RNLS: variants seen among roughly 807,000 people sequenced by gnomAD.
The protein encoded by RNLS is renalase, FAD dependent amine oxidase.
In RNLS, 39 loss-of-function variants were observed where a neutral mutation model predicts 39.8. The observed-to-expected ratio is 0.98, with a 90% CI of 0.76 to 1.28. The LOEUF is 1.28. RNLS is among the 50% of genes most tolerant of loss of function. The probability of loss-of-function intolerance (pLI) is 0.00; values close to 1 mark genes in which losing one functional copy is unlikely to be tolerated. For synonymous variants in RNLS, 147 were observed against 150.7 expected (o/e 0.98, Z 0.18); for missense variants, 410 against 413.3 (o/e 0.99, Z 0.07).
At chr10:88,521,473 A>G (rs1199921072) in intron 4 of RNLS, among the ~76,000 whole-genome samples, 1 of 152,042 alleles carries the variant, frequency 6.6e-6, no homozygotes, top group Non-Finnish European at 1.5e-5. Context: ...TCTGTCCCTA[A>G]TGGGCAATAT....
intron 4 of RNLS, among the ~76,000 whole-genome samples, chr10:88,553,444 C>T (rs1172519437): frequency 6.6e-6 from 1 of 152,128 alleles, no homozygotes; most frequent in African/African-American, 2.4e-5. Context: ...CAAGTACTGT[C>T]AGGCTTATAA....
Position 88,444,136 on chromosome 10 carries a change from G to T in RNLS, c.527-81411C>A, listed in dbSNP as rs547288799. ...TCTGAGATGAAACTTCCAGAAGAAC[G>T]ATCAGGTAGCAACATTTGCTGATCA... is the stretch of plus-strand genomic sequence containing the variant. On this transcript the variant is annotated intron_variant, in intron 4 of 6. Transcript: ENST00000331772. Among the ~76,000 whole-genome samples the T allele has an allele frequency of 2.0e-5, 3 of 152,334 alleles. No individual in the cohort carries two copies. In the South Asian group the frequency reaches 6.2e-4, roughly 32 times the overall value.
chr10:88,261,808 G>A, the RNLS span, among the ~76,000 whole-genome samples: 11 of 152,308 alleles, frequency 7.2e-5, no homozygotes, highest in African/African-American at 2.2e-4. Context: ...AGAATTTAAT[G>A]TAGGGAACAA....
chr10:88,323,290 T>C (rs1846318809), intron 5 of RNLS, among the ~76,000 whole-genome samples: 1 of 151,432 alleles, frequency 6.6e-6, no homozygotes, highest in South Asian at 2.1e-4. Context: ...ACAATTCTAA[T>C]TAGCCAAAGC....
At chr10:88,444,848 G>A (rs1374356562) in intron 4 of RNLS, among the ~76,000 whole-genome samples, 2 of 152,192 alleles carry the variant, frequency 1.3e-5, no homozygotes, top group African/African-American at 4.8e-5. Context: ...CGTCTGATTG[G>A]TGTACCTGAA....
intron 4 of RNLS, among the ~76,000 whole-genome samples, chr10:88,461,824 T>C (rs925714573): frequency 4.6e-5 from 7 of 152,118 alleles, no homozygotes; most frequent in Non-Finnish European, 7.4e-5. Flanking sequence ...GATAAAGTTA[T>C]TGCCCAAGGT....
rs562928778 is a variant in RNLS at position 88,278,737 on chromosome 10, G to A, written c.877-3705C>T. 9.2e-5 allele frequency among the ~76,000 whole-genome samples: 14 copies of A among 152,218 alleles called. 1 individual carries two copies. In the South Asian group the frequency reaches 2.9e-3, roughly 32 times the overall value. On this transcript the variant is annotated intron_variant, in intron 6 of 6. Transcript: ENST00000371947. ...ATAATGGGATGTAGTATAAAGTAAAGACTTTCTGAAATCACCTAATGACTT... is the reference window on the plus strand; with the variant it reads ...ATAATGGGATGTAGTATAAAGTAAAAACTTTCTGAAATCACCTAATGACTT...
intron 5 of RNLS, among the ~76,000 whole-genome samples, chr10:88,347,473 G>A (rs1346875850): frequency 6.6e-6 from 1 of 152,134 alleles, no homozygotes; most frequent in Non-Finnish European, 1.5e-5. Context: ...TTATCAAATA[G>A]ATGTCGATAT....
At chr10:88,540,736 C>T (rs372411459) in intron 4 of RNLS, among the ~76,000 whole-genome samples, 2 of 151,992 alleles carry the variant, frequency 1.3e-5, no homozygotes, top group African/African-American at 4.8e-5. Flanking sequence ...CTCTCAAGGA[C>T]AACATACATT....
At chr10:88,369,661 T>A (rs1181730734) in intron 4 of RNLS, among the ~76,000 whole-genome samples, 1 of 152,124 alleles carries the variant, frequency 6.6e-6, no homozygotes, top group African/African-American at 2.4e-5. Flanking sequence ...CCGTGCCCAC[T>A]GTTTTGTAAA....
chr10:88,344,910 T>C (rs903788053), intron 5 of RNLS, among the ~76,000 whole-genome samples: 4 of 152,154 alleles, frequency 2.6e-5, no homozygotes, highest in Admixed American at 1.3e-4. Flanking sequence ...TTAATATTCA[T>C]TCATATTATG....
chr10:88,505,757 G>A (rs1845756274), intron 4 of RNLS, among the ~76,000 whole-genome samples: 1 of 151,916 alleles, frequency 6.6e-6, no homozygotes, highest in African/African-American at 2.4e-5. Context: ...TCTTTACAAC[G>A]GAGAGATCTA....
chr10:88,268,765 C>A, the RNLS span, among the ~76,000 whole-genome samples: 3 of 152,212 alleles, frequency 2.0e-5, no homozygotes, highest in African/African-American at 7.2e-5. Flanking sequence ...GCAGCTTTGG[C>A]TCAGATCTTT....
At chr10:88,441,924 CTA>C (rs1841735774) in intron 4 of RNLS, among the ~76,000 whole-genome samples, 1 of 152,196 alleles carries the variant, frequency 6.6e-6, no homozygotes, top group African/African-American at 2.4e-5. Flanking sequence ...CTTGAAAATT[CTA>C]TGTGCAAGGA....
At chr10:88,366,055 T>G (rs891593079) in intron 4 of RNLS, among the ~76,000 whole-genome samples, 1 of 152,152 alleles carries the variant, frequency 6.6e-6, no homozygotes, top group African/African-American at 2.4e-5. Context: ...ATAAAGTCCC[T>G]GCTCTCCTGT....
intron 5 of RNLS, among the ~76,000 whole-genome samples, chr10:88,322,131 A>G (rs1846228971): frequency 6.6e-6 from 1 of 152,236 alleles, no homozygotes; most frequent in African/African-American, 2.4e-5. Context: ...CTGGTATGCC[A>G]GGATGGTTCA....
At chr10:88,403,910 G>T (rs1482328527) in intron 4 of RNLS, among the ~76,000 whole-genome samples, 1 of 151,934 alleles carries the variant, frequency 6.6e-6, no homozygotes, top group Non-Finnish European at 1.5e-5. Flanking sequence ...GTGTGTGGTG[G>T]TGCATGGCTA....
chr10:88,334,780 C>T (rs987831752), intron 5 of RNLS, among the ~76,000 whole-genome samples: 1 of 151,860 alleles, frequency 6.6e-6, no homozygotes, highest in Non-Finnish European at 1.5e-5. Flanking sequence ...TGATTAGTAT[C>T]ATCTGAATCT....
intron 4 of RNLS, among the ~76,000 whole-genome samples, chr10:88,566,281 A>T (rs1431701056): frequency 2.0e-5 from 3 of 151,948 alleles, no homozygotes; most frequent in African/African-American, 7.2e-5. Context: ...AGTGGTCACT[A>T]CCATTCTATT....
Sources: gnomAD v4.1 joint callset for allele counts (sites outside exome capture counted in the v4.1 genomes callset) on GRCh38, gnomAD v4.1.1 for gene constraint, MANE v1.5 for transcripts, NCBI Gene and HGNC (gene_info 2026-07-23, HGNC 2026-07-21) for gene names.